PTPRJ: variants seen among roughly 807,000 people sequenced by gnomAD.
PTPRJ encodes the protein protein tyrosine phosphatase receptor type J.
PTPRJ carries 129 observed loss-of-function variants against 141.3 expected under a neutral mutation model. The observed-to-expected ratio is 0.91, with a 90% confidence interval of 0.79 to 1.06. The LOEUF (loss-of-function observed/expected upper bound fraction) is 1.06. Among genes scored for constraint, PTPRJ ranks in the 50% least tolerant of loss-of-function variants. The pLI is 0.00. For synonymous variants in PTPRJ, 610 were observed against 640.5 expected (o/e 0.95, Z 0.72); for missense variants, 1,601 against 1,679.7 (o/e 0.95, Z 0.82).
At chr11:48,004,109 A>AT (rs1398316306) in intron 1 of PTPRJ, among the ~76,000 whole-genome samples, 8 of 152,102 alleles carry the variant, frequency 5.3e-5, no homozygotes, top group Non-Finnish European at 7.4e-5. Context: ...TTAGAGCTAT[A>AT]TTTTAGCTCT....
chr11:48,011,598 G>T (rs1226271296), intron 1 of PTPRJ, among the ~76,000 whole-genome samples: 1 of 152,178 alleles, frequency 6.6e-6, no homozygotes, highest in Non-Finnish European at 1.5e-5. Flanking sequence ...GGAGAATGCT[G>T]CCTCCTCTTC....
chr11:48,091,410 C>T (rs776011393), intron 1 of PTPRJ, among the ~76,000 whole-genome samples: 9 of 152,078 alleles, frequency 5.9e-5, no homozygotes, highest in South Asian at 2.1e-4. Flanking sequence ...CCCTGTTAGG[C>T]GTTAAGTGTG....
At chr11:48,005,659 G>A (rs578232758) in intron 1 of PTPRJ, among the ~76,000 whole-genome samples, 35 of 152,294 alleles carry the variant, frequency 2.3e-4, no homozygotes, top group Admixed American at 1.9e-3. Flanking sequence ...TGCTATGAAC[G>A]TTTGTCTACC....
intron 1 of PTPRJ, among the ~76,000 whole-genome samples, chr11:48,106,092 C>T (rs929702467): frequency 6.6e-6 from 1 of 152,130 alleles, no homozygotes; most frequent in Non-Finnish European, 1.5e-5. Context: ...GAAAAATTCG[C>T]AGTTCTATTT....
At chr11:48,135,995 A>G (rs1230967658) in intron 8 of PTPRJ, 44 bp from the exon 9 acceptor site, 2 of 1,591,406 alleles carry the variant, frequency 1.3e-6, no homozygotes, top group Admixed American at 1.7e-5. Context: ...GCTGGGCGTC[A>G]TGATAGTAAC....
At chr11:48,084,372 C>G (rs181943811) in intron 1 of PTPRJ, among the ~76,000 whole-genome samples, 2 of 152,098 alleles carry the variant, frequency 1.3e-5, no homozygotes, top group Non-Finnish European at 2.9e-5. Context: ...TTAGCAGAGA[C>G]GGGGTTTTAC....
At chr11:48,150,260 G>C in intron 18 of PTPRJ, 77 bp downstream of exon 18, 1 of 1,251,310 alleles carries the variant, frequency 8.0e-7, no homozygotes, top group South Asian at 1.2e-5. Context: ...TTGGTGGATG[G>C]GTGGCAGGTA....
intron 1 of PTPRJ, among the ~76,000 whole-genome samples, chr11:48,070,500 CA>C (rs35904394): frequency 0.015 from 1,087 of 73,242 alleles, 11 homozygotes; most frequent in African/African-American, 0.042. Flanking sequence ...ACTCTGTCTC[CA>C]AAAAAAAAAA....
intron 6 of PTPRJ, 121 bp from the exon 7 acceptor site, chr11:48,127,659 A>C (rs992728238): frequency 1.3e-5 from 13 of 1,016,062 alleles, no homozygotes; most frequent in Non-Finnish European, 1.6e-5. Flanking sequence ...TTGATGGTGC[A>C]GAGGAGGAAG....
intron 1 of PTPRJ, among the ~76,000 whole-genome samples, chr11:48,091,371 T>C (rs10501322): frequency 0.03 from 4,640 of 152,320 alleles, 108 homozygotes; most frequent in Non-Finnish European, 0.046. Flanking sequence ...ATATCATTAC[T>C]ATCCCAGATA....
At position 48,152,544 on chromosome 11, in the gene PTPRJ, T is replaced by A. The variant is rs936317245; in HGVS notation, c.3139-1252T>A. 1.3e-4 allele frequency among the ~76,000 whole-genome samples: 20 copies of A among 152,358 alleles called. No homozygotes were observed. In the East Asian group the frequency reaches 1.7e-3, roughly 13 times the overall value. ...GCCCATGCCTATGTCCTGAATAGTA[T>A]TGCCTAGGTTTTCTTCTAGGGTTTT... is the stretch of plus-strand genomic sequence containing the variant. On this transcript the variant is annotated intron_variant, in intron 18 of 24. Coordinates refer to ENST00000418331, the MANE Select transcript of PTPRJ (RefSeq NM_002843.4).
At chr11:48,071,144 C>T (rs367578352) in intron 1 of PTPRJ, among the ~76,000 whole-genome samples, 1 of 152,174 alleles carries the variant, frequency 6.6e-6, no homozygotes, top group South Asian at 2.1e-4. Flanking sequence ...TAGATACTCT[C>T]TAGTTCACTT....
At chr11:48,084,523 T>C (rs143802852) in intron 1 of PTPRJ, among the ~76,000 whole-genome samples, 1 of 152,162 alleles carries the variant, frequency 6.6e-6, no homozygotes, top group Non-Finnish European at 1.5e-5. Flanking sequence ...TCAGGTTTGA[T>C]TATGCAAATG....
At chr11:48,021,400 TAAATAAATAAATAAATAAATA>T (rs1324694954) in intron 1 of PTPRJ, among the ~76,000 whole-genome samples, 8 of 118,718 alleles carry the variant, frequency 6.7e-5, no homozygotes, top group South Asian at 4.6e-4. Flanking sequence ...AATAAATAAA[TAAATAAATAAATAAATAAATA>T]AAATAAAATA....
chr11:48,124,447 G>A (rs1489167455), intron 5 of PTPRJ, among the ~76,000 whole-genome samples: 2 of 152,146 alleles, frequency 1.3e-5, no homozygotes, highest in Non-Finnish European at 2.9e-5. Context: ...AAAGAGATGA[G>A]GCAATTCTCA....
rs181760273 is a variant in PTPRJ, at chr11:48,132,508, A to G, written c.1615+1792A>G. 9 of 982,682 alleles carry G rather than the reference A, an allele frequency of 9.2e-6. No homozygotes were observed. The East Asian group carries it at 1.0e-3, about 112-fold the overall frequency. 60.9% of individuals were successfully genotyped at this position (982,682 alleles called of 1,614,324 possible). A position where few individuals can be genotyped will look rare whatever the true frequency, so the allele number is the denominator to read the frequency against. On this transcript the variant is annotated intron_variant, in intron 8 of 24. Coordinates refer to ENST00000418331, the MANE Select transcript of PTPRJ (RefSeq NM_002843.4). ...AAATAATTGTTTTTTGGAAAGGTTGAAAAACATACAGTCTTCCTTGATCTA... is the reference window on the plus strand; with the variant it reads ...AAATAATTGTTTTTTGGAAAGGTTGGAAAACATACAGTCTTCCTTGATCTA...
intron 10 of PTPRJ, among the ~76,000 whole-genome samples, chr11:48,138,297 C>T (rs1179895642): frequency 1.3e-5 from 2 of 152,184 alleles, no homozygotes; most frequent in African/African-American, 4.8e-5. Context: ...ATTTGGGTGC[C>T]TTTCATTGCT....
intron 1 of PTPRJ, among the ~76,000 whole-genome samples, chr11:48,099,156 C>G (rs1856090016): frequency 1.3e-5 from 2 of 152,334 alleles, no homozygotes; most frequent in South Asian, 4.1e-4. Flanking sequence ...CTGCTCTGAG[C>G]TGCTGCGGGT....
intron 19 of PTPRJ, among the ~76,000 whole-genome samples, chr11:48,155,404 G>C (rs1857576124): frequency 6.6e-6 from 1 of 152,200 alleles, no homozygotes; most frequent in African/African-American, 2.4e-5. Context: ...AAACAGGGCA[G>C]TGGCTTGTAG....
Sources: gnomAD v4.1 joint callset for allele counts (sites outside exome capture counted in the v4.1 genomes callset) on GRCh38, gnomAD v4.1.1 for gene constraint, MANE v1.5 for transcripts, NCBI Gene and HGNC (gene_info 2026-07-23, HGNC 2026-07-21) for gene names.